Variants in EIF4E2 observed in about 807,000 individuals in gnomAD.
EIF4E2 encodes eukaryotic translation initiation factor 4E family member 2.
In EIF4E2, 13 loss-of-function variants were observed where a neutral mutation model predicts 34.2. That is an observed-to-expected ratio of 0.38 (90% CI 0.25 to 0.60). The LOEUF is 0.60. EIF4E2 is among the 20% of genes least tolerant of loss of function. EIF4E2 has a pLI of 0.62. For synonymous variants in EIF4E2, 100 were observed against 106.6 expected (o/e 0.94, Z 0.38); for missense variants, 222 against 315.1 (o/e 0.70, Z 2.24).
intron 1 of EIF4E2, 150 bp downstream of exon 1, chr2:232,550,894 G>A (rs1692284779): frequency 1.2e-6 from 1 of 807,718 alleles, no homozygotes; most frequent in Non-Finnish European, 1.9e-6. Flanking sequence ...CTGGCGGGGA[G>A]GAGGGGGCTG....
rs985036594 is a variant in EIF4E2, at chr2:232,566,220, T to C, written c.376-609T>C. On this transcript the variant is annotated intron_variant, in intron 4 of 6. Transcript: ENST00000258416. This position sits in a 1 kb window ranked among gnomAD's most constrained non-coding sequence, Gnocchi z 4.9. The stretch of plus-strand genomic sequence containing the variant: ...TTTGTTTTTTGAGACGGAGTCTTGC[T>C]GTGTTTCCCAGGCGGGAGTGCAGTG... Among the ~76,000 whole-genome samples the C allele has an allele frequency of 1.3e-5, 2 of 152,244 alleles. No individual in the cohort carries two copies. Among genetic ancestry groups the C allele is most frequent in the African/African-American group, 2.4e-5 (1 of 41,476 alleles).
chr2:232,568,296 C>A (rs1693005103), intron 6 of EIF4E2: 1 of 985,268 alleles, frequency 1.0e-6, no homozygotes, highest in South Asian at 4.7e-5. Flanking sequence ...TTGGCTTAAA[C>A]CAGCTAAGTG....
chr2:232,560,554 T>A (rs909023296), intron 3 of EIF4E2, among the ~76,000 whole-genome samples: 5 of 152,178 alleles, frequency 3.3e-5, no homozygotes, highest in African/African-American at 9.7e-5. Flanking sequence ...GGCAGGAGGA[T>A]GACTTGATCT....
At chr2:232,576,494 C>G (rs1157474120) in intron 6 of EIF4E2, among the ~76,000 whole-genome samples, 1 of 141,510 alleles carries the variant, frequency 7.1e-6, no homozygotes, top group Non-Finnish European at 1.6e-5. Flanking sequence ...CTCTTTGTGG[C>G]CCCCGTGTCT....
rs925320031 is a variant in EIF4E2, at chr2:232,567,150, C to T, written c.601C>T (p.Arg201Trp). The T allele has an allele frequency of 3.7e-6, 6 of 1,614,072 alleles. No individual in the cohort carries two copies. The African/African-American group carries it at 4.0e-5, about 11-fold the overall frequency. The change falls in exon 6 of 7, where the codon CGG (arginine) becomes TGG (tryptophan). Residue 201 changes from arginine to tryptophan, a missense_variant. Arg to Trp is a moderately radical substitution (Grantham distance 101). This residue lies in a region of EIF4E2 where 105 missense variants were observed against 195.1 expected (regional missense o/e 0.54). Coordinates refer to ENST00000258416, the MANE Select transcript of EIF4E2 (RefSeq NM_004846.4). ...ATTARIRDTL[R>W]RVLNLPPNTI... The stretch of plus-strand genomic sequence containing the variant: ...CACAGCCCGAATCCGGGACACACTT[C>T]GGCGAGTGCTTAACCTACCTCCCAA...
At chr2:232,556,640 G>A in intron 2 of EIF4E2, 110 bp downstream of exon 2, 1 of 765,698 alleles carries the variant, frequency 1.3e-6, no homozygotes, top group Non-Finnish European at 2.2e-6. Context: ...ATCCTGTGTT[G>A]GAATATCTGA....
At chr2:232,562,899 G>C (rs146229989) in intron 3 of EIF4E2, among the ~76,000 whole-genome samples, 53 of 152,276 alleles carry the variant, frequency 3.5e-4, no homozygotes, top group African/African-American at 1.2e-3. Flanking sequence ...ATAAAGCACT[G>C]CCTTGAAGCC....
chr2:232,568,999 G>A lies in EIF4E2; in HGVS notation c.720G>A (p.Pro240=), dbSNP rs768251980. 8 of 1,614,134 alleles carry A rather than the reference G, an allele frequency of 5.0e-6. No individual in the cohort carries two copies. The highest frequency in any genetic ancestry group is 2.2e-5 in the East Asian group (1 of 44,884). ...QRLLFQNLWK[P]RLNVP ...TCCTTTTTCAAAACCTCTGGAAGCCGCGGTTGAATGTGCCATGACCCTCTC... is the reference window on the plus strand; with the variant it reads ...TCCTTTTTCAAAACCTCTGGAAGCCACGGTTGAATGTGCCATGACCCTCTC... Residue 240 remains proline, a synonymous_variant, in exon 7 of 7, where the codon CCG becomes CCA. Transcript: ENST00000258416.
chr2:232,565,341 A>G (rs1692882779), intron 4 of EIF4E2, among the ~76,000 whole-genome samples: 1 of 151,918 alleles, frequency 6.6e-6, no homozygotes. Context: ...TGACCTTAAG[A>G]CCCACTTCTT....
chr2:232,552,755 G>A (rs931248163), intron 1 of EIF4E2, among the ~76,000 whole-genome samples: 16 of 151,466 alleles, frequency 1.1e-4, no homozygotes, highest in African/African-American at 3.9e-4. Context: ...ATTAACTATT[G>A]TATTGAGCCA....
chr2:232,576,457 A>T (rs1439092830), intron 6 of EIF4E2, among the ~76,000 whole-genome samples: 1 of 152,082 alleles, frequency 6.6e-6, no homozygotes, highest in Non-Finnish European at 1.5e-5. Context: ...AAAAAGTCAT[A>T]TATTTGCATA....
chr2:232,580,865 G>T, intron 6 of EIF4E2: 1 of 1,518,928 alleles, frequency 6.6e-7, no homozygotes, highest in South Asian at 1.2e-5. Flanking sequence ...GATGATCCTT[G>T]TATTGAACAC....
rs1692446945 is a variant in EIF4E2, at chr2:232,554,338, A to G, written c.21-2078A>G. On this transcript the variant is annotated intron_variant, in intron 1 of 6. Coordinates refer to ENST00000258416, the MANE Select transcript of EIF4E2 (RefSeq NM_004846.4). Reference sequence around the variant, plus strand: ...AAATGGGGGCACCAAAATTAGGGTGATACAACTGGAGTGAAAAGAGTTTGT... The same window carrying G: ...AAATGGGGGCACCAAAATTAGGGTGGTACAACTGGAGTGAAAAGAGTTTGT... Among the ~76,000 whole-genome samples, 3 of 152,224 alleles carry G rather than the reference A, an allele frequency of 2.0e-5. No homozygotes were observed. The South Asian group carries it at 6.2e-4, about 31-fold the overall frequency.
chr2:232,570,809 G>A (rs1013598814), downstream of EIF4E2, among the ~76,000 whole-genome samples: 34 of 152,184 alleles, frequency 2.2e-4, no homozygotes, highest in Non-Finnish European at 7.3e-5. Context: ...AGTGGCAGGT[G>A]CCTATAATCT....
In EIF4E2 at chr2:232,554,246, G is replaced by A. The variant is rs180748869; in HGVS notation, c.21-2170G>A. On this transcript the variant is annotated intron_variant, in intron 1 of 6. Coordinates refer to ENST00000258416, the MANE Select transcript of EIF4E2 (RefSeq NM_004846.4). ...GTGGCCCTCAATCTGAGTCCTGTAG[G>A]ACAAGTTAACTAGGCAAAGAAGGAC... 2.8e-3 allele frequency among the ~76,000 whole-genome samples: 424 copies of A among 152,308 alleles called. 1 individual carries two copies. The highest frequency in any genetic ancestry group is 9.6e-3 in the African/African-American group (399 of 41,556).
At chr2:232,577,262 G>C (rs1401866083) in intron 6 of EIF4E2, among the ~76,000 whole-genome samples, 1 of 152,228 alleles carries the variant, frequency 6.6e-6, no homozygotes, top group Non-Finnish European at 1.5e-5. Flanking sequence ...TACAGCTAAT[G>C]GCCAAAGAAT....
At chr2:232,567,302 G>C in intron 6 of EIF4E2, 88 bp downstream of exon 6, 3 of 1,576,066 alleles carry the variant, frequency 1.9e-6, no homozygotes, top group Non-Finnish European at 2.6e-6. Flanking sequence ...TGGCCGGACA[G>C]GAGACTTACT....
downstream of EIF4E2, among the ~76,000 whole-genome samples, chr2:232,572,623 T>C (rs1281693855): frequency 6.6e-6 from 1 of 152,202 alleles, no homozygotes; most frequent in Non-Finnish European, 1.5e-5. Flanking sequence ...TGCCTCAGCC[T>C]CCCGAAGTGA....
rs778337260 is a variant in EIF4E2 at position 232,566,505 on chromosome 2, T to C, written c.376-324T>C. On this transcript the variant is annotated intron_variant, in intron 4 of 6. Coordinates refer to ENST00000258416, the MANE Select transcript of EIF4E2 (RefSeq NM_004846.4). This position sits in a 1 kb window ranked among gnomAD's most constrained non-coding sequence, Gnocchi z 4.9. ...GCGCCCAGCAGACATTCAGTACTTT[T>C]AGCAAGTAAACGGATGATCTGTGCT... 2.0e-5 allele frequency among the ~76,000 whole-genome samples: 3 copies of C among 152,242 alleles called. No individual in the cohort carries two copies. The highest frequency in any genetic ancestry group is 4.8e-5 in the African/African-American group (2 of 41,468).
Sources: gnomAD v4.1 joint callset for allele counts (sites outside exome capture counted in the v4.1 genomes callset) on GRCh38, gnomAD v4.1.1 for gene constraint, gnomAD v4.1.1 regional missense constraint, Gnocchi (gnomAD v3.1) non-coding constraint, MANE v1.5 for transcripts, NCBI Gene and HGNC (gene_info 2026-07-23, HGNC 2026-07-21) for gene names.